The following PPARGC1A variants were observed in gnomAD, a reference collection of about 807,000 sequenced individuals.
PPARGC1A encodes the protein peroxisome proliferator-activated receptor gamma coactivator 1-alpha.
PPARGC1A carries 25 observed loss-of-function variants against 88.7 expected under a neutral mutation model. The ratio of observed to expected loss-of-function variants is 0.28; its 90% CI spans 0.21 to 0.39. PPARGC1A has a LOEUF of 0.39. PPARGC1A is among the 10% of genes least tolerant of loss of function. The probability of loss-of-function intolerance (pLI) is 1.00; values close to 1 mark genes in which losing one functional copy is unlikely to be tolerated. For synonymous variants in PPARGC1A, 363 were observed against 355.6 expected, an observed-to-expected ratio of 1.02 and a Z score of -0.24; for missense variants, 880 against 968.7, an observed-to-expected ratio of 0.91 and a Z score of 1.22.
the PPARGC1A span, among the ~76,000 whole-genome samples, chr4:23,910,230 A>ATATATAATATATATAAATATATAT: frequency 9.3e-6 from 1 of 107,308 alleles, no homozygotes; most frequent in Non-Finnish European, 1.8e-5. Context: ...ATAATATATT[A>ATATATAATATATATAAATATATAT]TATATAATAT....
At chr4:24,373,816 A>AT in the PPARGC1A span, among the ~76,000 whole-genome samples, 1 of 152,142 alleles carries the variant, frequency 6.6e-6, no homozygotes, top group African/African-American at 2.4e-5. Flanking sequence ...TGCTGTCTTT[A>AT]TTTTCACCTT....
chr4:24,111,745 A>G, the PPARGC1A span, among the ~76,000 whole-genome samples: 1 of 152,324 alleles, frequency 6.6e-6, no homozygotes, highest in Admixed American at 6.5e-5. Context: ...AACTCTTTCA[A>G]GCCACTTAGG....
chr4:24,127,845 A>T, the PPARGC1A span, among the ~76,000 whole-genome samples: 2 of 152,296 alleles, frequency 1.3e-5, no homozygotes, highest in African/African-American at 4.8e-5. Flanking sequence ...TATAGAAAAA[A>T]AATAGTAAGG....
intron 10 of PPARGC1A, among the ~76,000 whole-genome samples, chr4:23,812,043 T>C (rs559718618): frequency 3.9e-4 from 59 of 150,780 alleles, no homozygotes; most frequent in Middle Eastern, 3.4e-3. Flanking sequence ...TCAGCCTCCC[T>C]AGTAGCTGGT....
intron 3 of PPARGC1A, among the ~76,000 whole-genome samples, chr4:23,830,578 C>T (rs961377532): frequency 3.3e-5 from 5 of 152,164 alleles, no homozygotes; most frequent in African/African-American, 7.2e-5. Context: ...CCAATGGACT[C>T]AAAGTAGGGC....
At chr4:24,117,831 T>C in the PPARGC1A span, among the ~76,000 whole-genome samples, 8 of 152,156 alleles carry the variant, frequency 5.3e-5, no homozygotes, top group East Asian at 1.2e-3. Context: ...TCCACAGCAG[T>C]TTCGGAAGAG....
In PPARGC1A at chr4:23,829,452, T is replaced by A. The variant is rs1724607343; in HGVS notation, c.552+11A>T. 1.2e-6 allele frequency: 2 copies of A among 1,612,090 alleles called. No individual in the cohort carries two copies. The highest frequency in any genetic ancestry group is 2.7e-5 in the African/African-American group (2 of 74,898). ...TACATCCCCCCTGTATTAAAAAATT[T>A]ACATTTGTACCTTAACAATTGCAGG... On this transcript the variant is annotated intron_variant, in intron 4 of 12. Transcript: ENST00000264867.
chr4:24,211,784 T>C, the PPARGC1A span, among the ~76,000 whole-genome samples: 1 of 152,198 alleles, frequency 6.6e-6, no homozygotes, highest in South Asian at 2.1e-4. Flanking sequence ...ATTAAATGAG[T>C]CCATACATTT....
the PPARGC1A span, among the ~76,000 whole-genome samples, chr4:24,362,083 G>A: frequency 2.6e-5 from 4 of 152,254 alleles, no homozygotes; most frequent in East Asian, 3.9e-4. Context: ...ATTCAGTGTC[G>A]CCATTTATCC....
the PPARGC1A span, among the ~76,000 whole-genome samples, chr4:23,963,794 C>T: frequency 6.6e-6 from 1 of 152,166 alleles, no homozygotes; most frequent in Non-Finnish European, 1.5e-5. Context: ...ATCCTGGGTG[C>T]TCCTGGAAAG....
the PPARGC1A span, among the ~76,000 whole-genome samples, chr4:24,227,237 G>A: frequency 1.6e-4 from 24 of 151,950 alleles, no homozygotes; most frequent in African/African-American, 4.8e-4. Context: ...GGCACACGCC[G>A]CCATGCCCAG....
the PPARGC1A span, among the ~76,000 whole-genome samples, chr4:23,970,696 A>T: frequency 6.6e-6 from 1 of 152,128 alleles, no homozygotes; most frequent in Non-Finnish European, 1.5e-5. Flanking sequence ...TGTGTTACAA[A>T]ATACTTTAAC....
the PPARGC1A span, among the ~76,000 whole-genome samples, chr4:23,911,982 C>G: frequency 3.2e-4 from 48 of 152,288 alleles, no homozygotes; most frequent in Admixed American, 3.1e-3. Context: ...CAAACATAAC[C>G]AACTTCAAAC....
intron 7 of PPARGC1A, among the ~76,000 whole-genome samples, chr4:23,823,871 C>T (rs773480240): frequency 2.6e-5 from 4 of 152,094 alleles, no homozygotes; most frequent in African/African-American, 4.8e-5. Flanking sequence ...TGCAGGTAGG[C>T]ACCATAGTTC....
the PPARGC1A span, among the ~76,000 whole-genome samples, chr4:24,194,630 GCA>G: frequency 3.5e-3 from 170 of 48,688 alleles, 2 homozygotes; most frequent in African/African-American, 8.5e-3. Flanking sequence ...GCACGCGCGC[GCA>G]CACACACACA....
At chr4:24,464,876 C>G in the PPARGC1A span, among the ~76,000 whole-genome samples, 2 of 152,206 alleles carry the variant, frequency 1.3e-5, no homozygotes, top group Non-Finnish European at 2.9e-5. Flanking sequence ...CCCAGCGTAA[C>G]CTCTTCTGGT....
chr4:24,431,145 G>GA, the PPARGC1A span, among the ~76,000 whole-genome samples: 227 of 131,976 alleles, frequency 1.7e-3, no homozygotes, highest in African/African-American at 5.6e-3. Context: ...AAAAAAAAGA[G>GA]AAAAAAAAAA....
At chr4:24,069,478 A>G in the PPARGC1A span, among the ~76,000 whole-genome samples, 1 of 152,172 alleles carries the variant, frequency 6.6e-6, no homozygotes, top group Non-Finnish European at 1.5e-5. Context: ...AGTCACCTTT[A>G]GCTTAGCATA....
the PPARGC1A span, among the ~76,000 whole-genome samples, chr4:24,307,012 T>C: frequency 6.6e-6 from 1 of 152,252 alleles, no homozygotes; most frequent in African/African-American, 2.4e-5. Context: ...TCTAGAATTT[T>C]ACTACTTTTT....
Sources: gnomAD v4.1 joint callset for allele counts (sites outside exome capture counted in the v4.1 genomes callset) on GRCh38, gnomAD v4.1.1 for gene constraint, MANE v1.5 for transcripts, NCBI Gene and HGNC (gene_info 2026-07-23, HGNC 2026-07-21) for gene names.